Variants in NFIB observed in about 807,000 individuals in gnomAD.
NFIB encodes the protein nuclear factor 1 B-type.
A neutral mutation model predicts 61.5 loss-of-function variants in NFIB; 11 were observed. The observed-to-expected ratio is 0.18, with a 90% CI of 0.11 to 0.30. NFIB has a LOEUF of 0.30. NFIB is among the 10% of genes least tolerant of loss of function. The pLI, the probability that NFIB is intolerant of heterozygous loss-of-function variation, is 1.00. For missense variants in NFIB, 471 were observed against 608.9 expected, an observed-to-expected ratio of 0.77 and a Z score of 2.38; for synonymous variants, 260 against 216.5, an observed-to-expected ratio of 1.20 and a Z score of -1.76.
At chr9:14,157,286 A>T (rs1353062307) in intron 3 of NFIB, among the ~76,000 whole-genome samples, 1 of 152,172 alleles carries the variant, frequency 6.6e-6, no homozygotes, top group Non-Finnish European at 1.5e-5. Flanking sequence ...ATTTACCAGA[A>T]CAAAAGGCAC....
At chr9:14,206,333 A>C (rs12004290) in intron 2 of NFIB, among the ~76,000 whole-genome samples, 4 of 151,418 alleles carry the variant, frequency 2.6e-5, no homozygotes, top group African/African-American at 9.7e-5. Flanking sequence ...CACCTGGCTA[A>C]TTTTTTTGTA....
At chr9:14,442,113 A>G in the NFIB span, among the ~76,000 whole-genome samples, 1 of 152,154 alleles carries the variant, frequency 6.6e-6, no homozygotes, top group Non-Finnish European at 1.5e-5. Flanking sequence ...TCACACAGGC[A>G]GAGCTGCCAG....
intron 1 of NFIB, among the ~76,000 whole-genome samples, chr9:14,381,535 T>C (rs1432500188): frequency 6.6e-6 from 1 of 152,232 alleles, no homozygotes; most frequent in Non-Finnish European, 1.5e-5. Flanking sequence ...ATAGTAATTA[T>C]CATTACTTTG....
the NFIB span, among the ~76,000 whole-genome samples, chr9:14,518,641 A>G: frequency 6.6e-6 from 1 of 152,008 alleles, no homozygotes; most frequent in Non-Finnish European, 1.5e-5. Flanking sequence ...TTCTGGGCTC[A>G]AGACTACGGA....
intron 2 of NFIB, among the ~76,000 whole-genome samples, chr9:14,211,459 T>G (rs938327922): frequency 8.5e-5 from 13 of 152,222 alleles, no homozygotes; most frequent in Non-Finnish European, 1.6e-4. Flanking sequence ...ATAATTCTAC[T>G]CACTTTAAAA....
intron 2 of NFIB, among the ~76,000 whole-genome samples, chr9:14,296,598 T>C (rs968175705): frequency 6.6e-6 from 1 of 152,208 alleles, no homozygotes; most frequent in Non-Finnish European, 1.5e-5. Context: ...CCCAGAGAGC[T>C]CTCACTCTTT....
the NFIB span, among the ~76,000 whole-genome samples, chr9:14,463,589 T>A: frequency 6.6e-6 from 1 of 151,612 alleles, no homozygotes; most frequent in Non-Finnish European, 1.5e-5. Flanking sequence ...CCACATTTTA[T>A]TAAAATCTGC....
chr9:14,390,024 A>ATCT (rs2061601549), intron 1 of NFIB, among the ~76,000 whole-genome samples: 1 of 152,220 alleles, frequency 6.6e-6, no homozygotes. Context: ...CTACTAACTA[A>ATCT]AGTGCCATTG....
At chr9:14,429,586 G>A in the NFIB span, among the ~76,000 whole-genome samples, 6 of 152,216 alleles carry the variant, frequency 3.9e-5, no homozygotes, top group African/African-American at 1.4e-4. Flanking sequence ...AGCTACAGAG[G>A]GAAGAAATAG....
At chr9:14,123,607 G>A (rs1282929512) in intron 7 of NFIB, among the ~76,000 whole-genome samples, 4 of 152,182 alleles carry the variant, frequency 2.6e-5, no homozygotes, top group Admixed American at 2.0e-4. Context: ...CTGGCCAGAC[G>A]AAGATATTTG....
chr9:14,134,000 A>C (rs1460841345), intron 6 of NFIB, among the ~76,000 whole-genome samples: 1 of 152,166 alleles, frequency 6.6e-6, no homozygotes, highest in Non-Finnish European at 1.5e-5. Flanking sequence ...ATACCCTCTC[A>C]ATTTCTCCAT....
chr9:14,210,390 T>C (rs1359678743), intron 2 of NFIB, among the ~76,000 whole-genome samples: 1 of 152,116 alleles, frequency 6.6e-6, no homozygotes, highest in African/African-American at 2.4e-5. Flanking sequence ...CAAAAAATAA[T>C]TCAAAACTTT....
At position 14,084,978 on chromosome 9, in the gene NFIB, C is replaced by T. The variant is rs938712617; in HGVS notation, c.*3331G>A. 24 of 229,100 alleles carry T rather than the reference C, an allele frequency of 1.0e-4. No individual in the cohort carries two copies. The highest frequency in any genetic ancestry group is 6.9e-4 in the East Asian group (11 of 16,038). The allele number at this position is 229,100 out of a possible 1,614,324, so 14.2% of individuals were successfully genotyped here. On this transcript the variant is annotated 3_prime_UTR_variant, in exon 11 of 11. Transcript: ENST00000380953. ...AACTGCTCACTGGCAAAAAAGAGAG[C>T]GAGTCTGCCTTTAAAAAATACTGTG...
chr9:14,349,762 A>C (rs1181091218), intron 1 of NFIB, among the ~76,000 whole-genome samples: 1 of 152,188 alleles, frequency 6.6e-6, no homozygotes, highest in Admixed American at 6.5e-5. Context: ...GCTATGCGGA[A>C]AAAAGAATTT....
chr9:14,293,777 C>G (rs930987030), intron 2 of NFIB, among the ~76,000 whole-genome samples: 3 of 152,208 alleles, frequency 2.0e-5, no homozygotes, highest in Admixed American at 6.5e-5. Context: ...GATTGAAAAA[C>G]TGTTTCCGTT....
At chr9:14,141,902 CAAAAAAAAAA>C (rs1207435536) in intron 6 of NFIB, among the ~76,000 whole-genome samples, 5 of 53,608 alleles carry the variant, frequency 9.3e-5, no homozygotes, top group Non-Finnish European at 1.8e-4. Context: ...CTGCTGCTCA[CAAAAAAAAAA>C]AAAAAAAAAA....
chr9:14,268,105 A>G (rs2057345728), intron 2 of NFIB, among the ~76,000 whole-genome samples: 1 of 138,616 alleles, frequency 7.2e-6, no homozygotes. Context: ...TGGCCGACAT[A>G]GCAAGATTCC....
the NFIB span, among the ~76,000 whole-genome samples, chr9:14,408,813 AT>A: frequency 6.6e-6 from 1 of 152,188 alleles, no homozygotes; most frequent in East Asian, 1.9e-4. Flanking sequence ...GGTTTCAGGC[AT>A]TTTTTAAAAG....
At chr9:14,100,285 G>A (rs1258808157) in intron 10 of NFIB, among the ~76,000 whole-genome samples, 1 of 152,130 alleles carries the variant, frequency 6.6e-6, no homozygotes. Flanking sequence ...CCAGGAAGGG[G>A]ATTTGTGACA....
Sources: allele counts gnomAD v4.1 joint callset (sites outside exome capture counted in the v4.1 genomes callset), GRCh38; gene constraint gnomAD v4.1.1; transcripts MANE v1.5; gene names NCBI Gene and HGNC (gene_info 2026-07-23, HGNC 2026-07-21).